Variants in UNC5C observed in about 807,000 individuals in gnomAD.
UNC5C encodes unc-5 netrin receptor C, also known as netrin receptor UNC5C.
Under a neutral mutation model 99.8 loss-of-function variants are expected in UNC5C, and 47 were observed. That is an observed-to-expected ratio of 0.47 (90% CI 0.37 to 0.60). UNC5C has a LOEUF of 0.60. UNC5C is among the 20% of genes least tolerant of loss of function. The pLI, the probability that UNC5C is intolerant of heterozygous loss-of-function variation, is 0.00. For missense variants in UNC5C, 1,062 were observed against 1,165.9 expected (o/e 0.91, Z 1.30); for synonymous variants, 487 against 452.2 (o/e 1.08, Z -0.98).
rs1738361974 is a variant in UNC5C, at chr4:95,219,051, A to G, written c.1563T>C (p.Ser521=). The G allele has an allele frequency of 6.2e-7, 1 of 1,613,902 alleles. No homozygotes were observed. Among genetic ancestry groups the G allele is most frequent in the Non-Finnish European group, 8.5e-7 (1 of 1,180,006 alleles). Reference sequence around the variant, plus strand: ...AGGATGGATCAGTCTGCCTTGCTAGACTCTGGTTCTTCAGGCTGAGGGCTT... The same window carrying G: ...AGGATGGATCAGTCTGCCTTGCTAGGCTCTGGTTCTTCAGGCTGAGGGCTT... The part of the protein sequence containing the change: ...ENEALSLKNQ[S]LARQTDPSCT... Residue 521 remains serine, a synonymous_variant, in exon 9 of 16, where the codon AGT becomes AGC. Transcript: ENST00000453304.
At chr4:95,214,650 A>G (rs748824678) in intron 10 of UNC5C, among the ~76,000 whole-genome samples, 2 of 152,232 alleles carry the variant, frequency 1.3e-5, no homozygotes, top group African/African-American at 2.4e-5. Flanking sequence ...TGATAATCTG[A>G]TGGAAAATAG....
chr4:95,347,088 T>C (rs927869169), intron 1 of UNC5C, among the ~76,000 whole-genome samples: 3 of 151,978 alleles, frequency 2.0e-5, no homozygotes, highest in African/African-American at 7.2e-5. Context: ...AGGGTCAACA[T>C]ACAAAAATCG....
chr4:95,360,885 C>A (rs901553438), intron 1 of UNC5C, among the ~76,000 whole-genome samples: 7 of 152,144 alleles, frequency 4.6e-5, no homozygotes, highest in Non-Finnish European at 8.8e-5. Context: ...ACAAGGTTTT[C>A]TCATGTTAAG....
chr4:95,414,518 T>A (rs1560824332), intron 1 of UNC5C, among the ~76,000 whole-genome samples: 1 of 152,070 alleles, frequency 6.6e-6, no homozygotes, highest in Non-Finnish European at 1.5e-5. Context: ...AAAAGCAGAG[T>A]ATAAAGAAAA....
chr4:95,335,700 T>G (rs1330698189), intron 1 of UNC5C, 69 bp from the exon 2 acceptor site: 1 of 1,276,744 alleles, frequency 7.8e-7, no homozygotes, highest in East Asian at 2.5e-5. Flanking sequence ...TTGCTAGTCA[T>G]GTAAAAATAG....
Position 95,278,244 on chromosome 4 carries a change from ATTG to A in UNC5C, c.594+12_594+14del. On this transcript the variant is annotated intron_variant, in intron 4 of 15. Coordinates refer to ENST00000453304, the MANE Select transcript of UNC5C (RefSeq NM_003728.4). ...TAGTGCCAATTGCTAAATGCAAAGA[ATTG>A]TTGTTATTCACCTCAGCCACTGGGA... The A allele has an allele frequency of 1.2e-6, 2 of 1,603,790 alleles. No individual in the cohort carries two copies. The highest frequency in any genetic ancestry group is 1.7e-6 in the Non-Finnish European group (2 of 1,170,748).
chr4:95,517,887 C>T (rs975087334), intron 1 of UNC5C, among the ~76,000 whole-genome samples: 5 of 151,518 alleles, frequency 3.3e-5, no homozygotes, highest in Admixed American at 2.6e-4. Context: ...TTTTTTTTCT[C>T]AAGCAGAAAG....
chr4:95,267,017 G>T (rs554956513), intron 4 of UNC5C, among the ~76,000 whole-genome samples: 1 of 152,264 alleles, frequency 6.6e-6, no homozygotes, highest in South Asian at 2.1e-4. Context: ...TGTATTTAGA[G>T]TGTATATAAT....
chr4:95,326,904 T>C (rs556755450), intron 2 of UNC5C, among the ~76,000 whole-genome samples: 100 of 152,350 alleles, frequency 6.6e-4, no homozygotes, highest in African/African-American at 2.3e-3. Flanking sequence ...AGTCTCAAGG[T>C]AATGTAGCTT....
intron 4 of UNC5C, among the ~76,000 whole-genome samples, chr4:95,271,110 C>T (rs1343647167): frequency 6.6e-6 from 1 of 152,216 alleles, no homozygotes; most frequent in Admixed American, 6.5e-5. Context: ...TGAAGGCCAA[C>T]AAAAATTTTT....
chr4:95,210,895 C>T (rs546099276), intron 10 of UNC5C, among the ~76,000 whole-genome samples: 1 of 152,322 alleles, frequency 6.6e-6, no homozygotes, highest in East Asian at 1.9e-4. Flanking sequence ...ATTTGCTGCT[C>T]ATGGTACACC....
intron 1 of UNC5C, among the ~76,000 whole-genome samples, chr4:95,422,935 A>C (rs969194056): frequency 6.6e-6 from 1 of 152,206 alleles, no homozygotes; most frequent in African/African-American, 2.4e-5. Flanking sequence ...TAGCACATAT[A>C]ATACAAAAAT....
In UNC5C at chr4:95,170,264, A is replaced by C. The variant is rs1466296291; in HGVS notation, c.2520T>G (p.Ser840Arg). Reference sequence around the variant, plus strand: ...GGATAGGGAGAGGGATGCTGAAAGCACTGGGCCCCGTGACCGTGGTGATGG... The same window carrying C: ...GGATAGGGAGAGGGATGCTGAAAGCCCTGGGCCCCGTGACCGTGGTGATGG... ...ANTITTVTGP[S>R]AFSIPLPIRQ... The change falls in exon 15 of 16, where the codon AGT becomes AGG. Residue 840 changes from serine (S) to arginine (R), a missense_variant. Physicochemically the swap from Ser to Arg is moderately radical, Grantham distance 110. Around this residue, in one of 3 missense-constraint regions of UNC5C, gnomAD observed 810 missense variants for 854.5 expected, o/e 0.95. Transcript: ENST00000453304. 6.2e-7 allele frequency: 1 copy of C among 1,614,064 alleles called. No individual in the cohort carries two copies. The highest frequency in any genetic ancestry group is 8.5e-7 in the Non-Finnish European group (1 of 1,180,052).
intron 14 of UNC5C, among the ~76,000 whole-genome samples, chr4:95,181,313 C>T (rs1736601708): frequency 6.6e-6 from 1 of 152,194 alleles, no homozygotes; most frequent in Non-Finnish European, 1.5e-5. Context: ...AAATTGTGAT[C>T]ACACTATGCA....
chr4:95,191,830 A>C, intron 12 of UNC5C, among the ~76,000 whole-genome samples: 1 of 104,074 alleles, frequency 9.6e-6, no homozygotes, highest in African/African-American at 3.9e-5. Context: ...TCTTCTGCTC[A>C]CCTTTCTCCT....
chr4:95,206,060 GTGCGA>G (rs1235902241), intron 11 of UNC5C, among the ~76,000 whole-genome samples: 1 of 151,124 alleles, frequency 6.6e-6, no homozygotes, highest in Non-Finnish European at 1.5e-5. Flanking sequence ...GAGTGCAGTG[GTGCGA>G]TCTCAGCTCA....
At chr4:95,388,668 C>T (rs1027495162) in intron 1 of UNC5C, among the ~76,000 whole-genome samples, 1 of 152,144 alleles carries the variant, frequency 6.6e-6, no homozygotes, top group Non-Finnish European at 1.5e-5. Flanking sequence ...TGAGCACTTA[C>T]TCTGTGACAG....
intron 1 of UNC5C, among the ~76,000 whole-genome samples, chr4:95,424,148 A>G (rs972856807): frequency 5.3e-5 from 8 of 152,296 alleles, no homozygotes; most frequent in South Asian, 2.1e-4. Flanking sequence ...ATTTTTAGTA[A>G]ATCATATTGA....
At chr4:95,295,981 G>C (rs1039882218) in intron 3 of UNC5C, among the ~76,000 whole-genome samples, 16 of 152,256 alleles carry the variant, frequency 1.1e-4, no homozygotes, top group South Asian at 6.2e-4. Context: ...AGCTACATGG[G>C]GGGGAGGCTG....
Sources: gnomAD v4.1 joint callset for allele counts (sites outside exome capture counted in the v4.1 genomes callset) on GRCh38, gnomAD v4.1.1 for gene constraint, gnomAD v4.1.1 regional missense constraint, MANE v1.5 for transcripts, NCBI Gene and HGNC (gene_info 2026-07-23, HGNC 2026-07-21) for gene names.